MANBA: variants seen among roughly 807,000 people sequenced by gnomAD.
MANBA encodes mannosidase beta.
MANBA carries 83 observed loss-of-function variants against 111.1 expected under a neutral mutation model. That is an observed-to-expected ratio of 0.75 (90% CI 0.63 to 0.90). The LOEUF (loss-of-function observed/expected upper bound fraction) is 0.90. Ranked by LOEUF, MANBA falls within the 40% of genes least tolerant of loss-of-function variation. The probability of loss-of-function intolerance (pLI) is 0.00; values close to 1 mark genes in which losing one functional copy is unlikely to be tolerated. For synonymous variants in MANBA, 370 were observed against 378.7 expected (o/e 0.98, Z 0.27); for missense variants, 1,036 against 1,069.0 (o/e 0.97, Z 0.43).
intron 5 of MANBA, among the ~76,000 whole-genome samples, chr4:102,695,741 C>A (rs964712478): frequency 1.3e-5 from 2 of 152,056 alleles, no homozygotes; most frequent in Admixed American, 6.6e-5. Context: ...CGATGCCTAC[C>A]AAAAGGAATG....
At chr4:102,689,881 T>C (rs1453756009) in intron 6 of MANBA, among the ~76,000 whole-genome samples, 197 bp from the exon 7 acceptor site, 1 of 152,206 alleles carries the variant, frequency 6.6e-6, no homozygotes, top group Non-Finnish European at 1.5e-5. Flanking sequence ...GAATCTAGCA[T>C]GGATCAATAC....
intron 1 of MANBA, among the ~76,000 whole-genome samples, chr4:102,746,295 T>C (rs1723582946): frequency 6.6e-6 from 1 of 152,238 alleles, no homozygotes; most frequent in Non-Finnish European, 1.5e-5. Context: ...AGGCTGTGCA[T>C]GCACCTTTCG....
At chr4:102,728,914 T>C in intron 1 of MANBA, 1 of 751,632 alleles carries the variant, frequency 1.3e-6, no homozygotes. Context: ...TCAGATCACC[T>C]GCATAACCAC....
At chr4:102,689,728 A>G in intron 6 of MANBA, 44 bp from the exon 7 acceptor site, 1 of 1,108,932 alleles carries the variant, frequency 9.0e-7, no homozygotes, top group Non-Finnish European at 1.4e-6. Context: ...TCATATTTTC[A>G]GCAAAAAAGG....
In MANBA at chr4:102,701,348, A is replaced by T. The variant is rs1733031463; in HGVS notation, c.674-10577T>A. Among the ~76,000 whole-genome samples the T allele has an allele frequency of 3.9e-5, 6 of 151,952 alleles. No homozygotes were observed. In the South Asian group the frequency reaches 1.2e-3, roughly 32 times the overall value. On this transcript the variant is annotated intron_variant, in intron 5 of 16. Coordinates refer to ENST00000647097, the MANE Select transcript of MANBA (RefSeq NM_005908.4). ...TCTGTGTCTTTTAATTGGAGCATTT[A>T]GTCCATTTACATTTAAAGTTAATAT...
chr4:102,666,708 G>C (rs932502550), intron 10 of MANBA: 15 of 152,202 alleles, frequency 9.9e-5, no homozygotes, highest in African/African-American at 3.6e-4. Context: ...CACCTCAGGG[G>C]AAGTGTTGGC....
At chr4:102,652,257 C>A (rs1366750670) in intron 12 of MANBA, among the ~76,000 whole-genome samples, 1 of 152,170 alleles carries the variant, frequency 6.6e-6, no homozygotes, top group Non-Finnish European at 1.5e-5. Context: ...TCCCTGGCAA[C>A]CCTTCCACCC....
intron 1 of MANBA, among the ~76,000 whole-genome samples, chr4:102,734,941 C>A (rs113151186): frequency 6.6e-6 from 1 of 152,222 alleles, no homozygotes; most frequent in Non-Finnish European, 1.5e-5. Context: ...CCTTGAGTCA[C>A]CCCCTCCTTG....
In MANBA at chr4:102,726,664, T is replaced by C. The variant is rs571143209; in HGVS notation, c.197A>G (p.Asn66Ser). The change falls in exon 2 of 17, where the codon AAT (asparagine) becomes AGT (serine). Residue 66 changes from asparagine (N) to serine (S), a missense_variant. Physicochemically the swap from Asn to Ser is conservative, Grantham distance 46 (BLOSUM62 1). Coordinates refer to ENST00000647097, the MANE Select transcript of MANBA (RefSeq NM_005908.4). ...GLIQDSYYRF[N>S]DLNYRWVSLD... ...AGAGACCCATCTGTAGTTAAGGTCA[T>C]TAAATCTGTAGTAAGAATCCTGTTG... is the stretch of plus-strand genomic sequence containing the variant. 6 of 1,556,540 alleles carry C rather than the reference T, an allele frequency of 3.9e-6. No individual in the cohort carries two copies. In the East Asian group the frequency reaches 1.1e-4, roughly 29 times the overall value.
intron 4 of MANBA, among the ~76,000 whole-genome samples, chr4:102,714,858 A>G (rs1266467403): frequency 6.6e-6 from 1 of 152,218 alleles, no homozygotes; most frequent in Non-Finnish European, 1.5e-5. Context: ...TCCATTGTCC[A>G]AATGTCCCCT....
chr4:102,709,358 A>G (rs1721930005), intron 5 of MANBA, among the ~76,000 whole-genome samples: 1 of 140,632 alleles, frequency 7.1e-6, no homozygotes, highest in African/African-American at 2.9e-5. Context: ...AAGGAAGAAA[A>G]GAAAAGAAAA....
chr4:102,657,455 C>A (rs1730614449), intron 12 of MANBA, among the ~76,000 whole-genome samples: 1 of 152,154 alleles, frequency 6.6e-6, no homozygotes, highest in African/African-American at 2.4e-5. Context: ...GCTTAAGCAA[C>A]CACTGGGTCC....
At position 102,639,930 on chromosome 4, in the gene MANBA, G is replaced by T. The variant is rs1319184787; in HGVS notation, c.1870-73C>A. 3 of 1,551,782 alleles carry T rather than the reference G, an allele frequency of 1.9e-6. No homozygotes were observed. In the East Asian group the frequency reaches 6.7e-5, roughly 35 times the overall value. On this transcript the variant is annotated intron_variant, in intron 13 of 16. Transcript: ENST00000647097. ...CTGCCTAGATCTGAGAAAAATACAG[G>T]GTTTAGTTTTGTTTTGGGTTTTTTC...
At chr4:102,715,040 C>T (rs1363010266) in intron 4 of MANBA, among the ~76,000 whole-genome samples, 3 of 152,130 alleles carry the variant, frequency 2.0e-5, no homozygotes, top group Non-Finnish European at 4.4e-5. Context: ...ACTGTGTGTG[C>T]CCCCCAACCA....
chr4:102,635,438 A>G (rs574405863), intron 15 of MANBA, among the ~76,000 whole-genome samples: 1 of 152,322 alleles, frequency 6.6e-6, no homozygotes, highest in African/African-American at 2.4e-5. Context: ...GTTTTTTAAA[A>G]CAAATTTGCT....
chr4:102,637,547 T>C (rs899666222), intron 14 of MANBA, among the ~76,000 whole-genome samples: 3 of 152,192 alleles, frequency 2.0e-5, no homozygotes, highest in African/African-American at 4.8e-5. Context: ...TTATCAATCA[T>C]GGCTGTCCAA....
Position 102,655,831 on chromosome 4 carries a change from T to C in MANBA, c.1704+1851A>G, listed in dbSNP as rs192793226. Reference sequence around the variant, plus strand: ...ATTTTTTGTGCTGTAAGTGATACCATCAAAGTGAATAAGGTGACAACCCAC... The same window carrying C: ...ATTTTTTGTGCTGTAAGTGATACCACCAAAGTGAATAAGGTGACAACCCAC... On this transcript the variant is annotated intron_variant, in intron 12 of 16. Transcript: ENST00000647097. Among the ~76,000 whole-genome samples the C allele has an allele frequency of 2.9e-3, 439 of 152,298 alleles. 4 individuals are homozygous for C. Among genetic ancestry groups the C allele is most frequent in the Non-Finnish European group, 4.2e-3 (285 of 68,022 alleles).
intron 5 of MANBA, among the ~76,000 whole-genome samples, chr4:102,711,449 G>A (rs905253519): frequency 6.6e-6 from 1 of 152,012 alleles, no homozygotes; most frequent in Non-Finnish European, 1.5e-5. Context: ...TTACTGAAAA[G>A]ACAAAAAATA....
At chr4:102,742,015 C>T (rs1336561277) in intron 1 of MANBA, among the ~76,000 whole-genome samples, 1 of 152,154 alleles carries the variant, frequency 6.6e-6, no homozygotes, top group Non-Finnish European at 1.5e-5. Context: ...ACCTTAATCT[C>T]AGGGCATGGT....
Sources: allele counts gnomAD v4.1 joint callset (sites outside exome capture counted in the v4.1 genomes callset), GRCh38; gene constraint gnomAD v4.1.1; transcripts MANE v1.5; gene names NCBI Gene and HGNC (gene_info 2026-07-23, HGNC 2026-07-21).